Variants in CFAP70 observed in about 807,000 individuals in gnomAD.
CFAP70 encodes the protein cilia and flagella associated protein 70, also known as cilia- and flagella-associated protein 70.
CFAP70 carries 81 observed loss-of-function variants against 137.6 expected under a neutral mutation model. The ratio of observed to expected loss-of-function variants is 0.59; its 90% CI spans 0.49 to 0.71. The LOEUF (loss-of-function observed/expected upper bound fraction) is 0.71. CFAP70 is among the 30% of genes least tolerant of loss of function. The probability of loss-of-function intolerance (pLI) is 0.00; values close to 1 mark genes in which losing one functional copy is unlikely to be tolerated. For missense variants in CFAP70, 976 were observed against 1,226.7 expected (o/e 0.80, Z 3.05); for synonymous variants, 382 against 423.6 (o/e 0.90, Z 1.20).
chr10:73,335,605 G>A, intron 6 of CFAP70, 81 bp from the exon 8 acceptor site: 3 of 936,636 alleles, frequency 3.2e-6, no homozygotes, highest in Non-Finnish European at 4.7e-6. Flanking sequence ...TCTTTTAATG[G>A]ATTTGTTCAC....
intron 19 of CFAP70, among the ~76,000 whole-genome samples, chr10:73,288,650 G>A (rs2047931390): frequency 6.6e-6 from 1 of 152,132 alleles, no homozygotes; most frequent in Non-Finnish European, 1.5e-5. Context: ...AGTTCAACCA[G>A]CCACATAATC....
intron 12 of CFAP70, among the ~76,000 whole-genome samples, chr10:73,302,107 G>A (rs1325955343): frequency 6.6e-6 from 1 of 152,148 alleles, no homozygotes; most frequent in Non-Finnish European, 1.5e-5. Flanking sequence ...TGACCAAAGA[G>A]TATGTGAGAA....
intron 25 of CFAP70, among the ~76,000 whole-genome samples, chr10:73,264,077 T>C (rs1341508742): frequency 1.3e-5 from 2 of 152,204 alleles, no homozygotes; most frequent in Non-Finnish European, 2.9e-5. Flanking sequence ...AGCTAGTTTC[T>C]GTTTGTTTTA....
intron 12 of CFAP70, among the ~76,000 whole-genome samples, chr10:73,304,873 A>G (rs1015194661): frequency 6.6e-6 from 1 of 152,152 alleles, no homozygotes; most frequent in Non-Finnish European, 1.5e-5. Flanking sequence ...ACACACCAGA[A>G]ACTGAAACTG....
rs1281333315 is a variant in CFAP70, at chr10:73,315,716, A to T, written c.913-3073T>A. ...GTGGTGGGACCACAGGCATGCACAAACAACACACCCAGACAACTTTTTTAT... is the reference window on the plus strand; with the variant it reads ...GTGGTGGGACCACAGGCATGCACAATCAACACACCCAGACAACTTTTTTAT... On this transcript the variant is annotated intron_variant, in intron 9 of 26. Transcript: ENST00000310715. Among the ~76,000 whole-genome samples, 5 of 152,170 alleles carry T rather than the reference A, an allele frequency of 3.3e-5. No homozygotes were observed. The South Asian group carries it at 6.2e-4, about 19-fold the overall frequency.
intron 25 of CFAP70, among the ~76,000 whole-genome samples, 181 bp from the exon 27 acceptor site, chr10:73,256,597 GTT>G (rs376048559): frequency 3.4e-5 from 5 of 149,246 alleles, no homozygotes; most frequent in South Asian, 2.1e-4. Context: ...GGAGAAAAAG[GTT>G]TTTTTTTTAA....
rs140166707 is a variant in CFAP70 at position 73,353,864 on chromosome 10, A to T, written c.64-122T>A. 215 of 819,664 alleles carry T rather than the reference A, an allele frequency of 2.6e-4. No homozygotes were observed. In the East Asian group the frequency reaches 5.3e-3, roughly 20 times the overall value. 50.8% of individuals were successfully genotyped at this position (819,664 alleles called of 1,614,324 possible). On this transcript the variant is annotated intron_variant, in intron 2 of 26. Coordinates refer to ENST00000310715, the Ensembl canonical transcript of CFAP70. ...TCATTTTTTCCTAACGAGCAACATC[A>T]CAAATACAAAAGGAATAGGTAGAAA...
exon 2 of CFAP70, chr10:73,354,797 A>C (rs759827063): frequency 6.2e-7 from 1 of 1,613,930 alleles, no homozygotes; most frequent in Non-Finnish European, 8.5e-7. Flanking sequence ...CTTGCTCCAT[A>C]TCACCAACTG....
At chr10:73,342,353 A>G (rs1436562814) in intron 5 of CFAP70, among the ~76,000 whole-genome samples, 2 of 152,000 alleles carry the variant, frequency 1.3e-5, no homozygotes, top group African/African-American at 4.8e-5. Context: ...CCTGGGCAAC[A>G]TAGTGAGACC....
chr10:73,344,573 T>C (rs960524507), intron 5 of CFAP70, among the ~76,000 whole-genome samples: 5 of 152,154 alleles, frequency 3.3e-5, no homozygotes, highest in African/African-American at 9.7e-5. Flanking sequence ...TCCACATACA[T>C]GGCCCTGGAA....
chr10:73,316,481 G>GATATATAT (rs1253458738), intron 9 of CFAP70, among the ~76,000 whole-genome samples: 39 of 106,538 alleles, frequency 3.7e-4, no homozygotes, highest in East Asian at 1.6e-3. Flanking sequence ...TATATATATA[G>GATATATAT]ATATAGATAT....
chr10:73,345,366 T>A (rs1419019373), intron 4 of CFAP70, 122 bp from the exon 6 acceptor site: 2 of 902,768 alleles, frequency 2.2e-6, no homozygotes, highest in African/African-American at 1.7e-5. Flanking sequence ...ATTATTTCCA[T>A]AAGTTGAAAC....
chr10:73,264,643 A>G (rs1454446249), intron 25 of CFAP70, among the ~76,000 whole-genome samples: 1 of 152,208 alleles, frequency 6.6e-6, no homozygotes, highest in African/African-American at 2.4e-5. Context: ...AATGAAGCCT[A>G]AAACTATACT....
intron 1 of CFAP70, among the ~76,000 whole-genome samples, chr10:73,358,297 A>G (rs1203463204): frequency 1.3e-5 from 2 of 152,200 alleles, no homozygotes; most frequent in African/African-American, 4.8e-5. Flanking sequence ...GACTAAAGTT[A>G]TAGTCAGGGC....
intron 19 of CFAP70, among the ~76,000 whole-genome samples, chr10:73,290,189 G>A (rs1014788981): frequency 2.0e-5 from 3 of 152,108 alleles, no homozygotes; most frequent in South Asian, 2.1e-4. Context: ...ACTACTTAGC[G>A]ATAAAAAGGG....
chr10:73,351,070 TGTATATATATATATATATATATA>T (rs2054205130), intron 3 of CFAP70, among the ~76,000 whole-genome samples: 1 of 30,320 alleles, frequency 3.3e-5, no homozygotes, highest in African/African-American at 2.1e-4. Flanking sequence ...TGTGTGTGTG[TGTATATATATATATATATATATA>T]TATATATATA....
intron 19 of CFAP70, among the ~76,000 whole-genome samples, chr10:73,284,802 AT>A (rs2047559473): frequency 3.4e-5 from 3 of 89,200 alleles, no homozygotes; most frequent in Admixed American, 1.4e-4. Context: ...ATATATATAT[AT>A]AAAAGTTGTT....
At chr10:73,289,503 C>G (rs1174922383) in intron 19 of CFAP70, among the ~76,000 whole-genome samples, 3 of 151,872 alleles carry the variant, frequency 2.0e-5, no homozygotes, top group South Asian at 4.2e-4. Context: ...CCAGGATGGT[C>G]TCGATCTCCT....
At chr10:73,318,319 C>G (rs2050565730) in intron 9 of CFAP70, among the ~76,000 whole-genome samples, 1 of 152,116 alleles carries the variant, frequency 6.6e-6, no homozygotes, top group Non-Finnish European at 1.5e-5. Context: ...TGGCCATAGC[C>G]AGAGATATTT....
Sources: gnomAD v4.1 joint callset for allele counts (sites outside exome capture counted in the v4.1 genomes callset) on GRCh38, gnomAD v4.1.1 for gene constraint, MANE v1.5 for transcripts, NCBI Gene and HGNC (gene_info 2026-07-23, HGNC 2026-07-21) for gene names.